TRHDE: variants seen among roughly 807,000 people sequenced by gnomAD.
The protein encoded by TRHDE is thyrotropin releasing hormone degrading enzyme.
TRHDE carries 72 observed loss-of-function variants against 125.7 expected under a neutral mutation model. The ratio of observed to expected loss-of-function variants is 0.57; its 90% CI spans 0.47 to 0.70. TRHDE has a LOEUF of 0.70. Among genes scored for constraint, TRHDE ranks in the 30% least tolerant of loss-of-function variants. The pLI is 0.00. For synonymous variants in TRHDE, 509 were observed against 509.1 expected (o/e 1.00, Z 0.00); for missense variants, 1,110 against 1,327.1 (o/e 0.84, Z 2.54).
At chr12:72,558,799 T>A (rs977516611) in intron 7 of TRHDE, among the ~76,000 whole-genome samples, 6 of 152,116 alleles carry the variant, frequency 3.9e-5, no homozygotes, top group African/African-American at 1.4e-4. Context: ...GATGAGAAGG[T>A]CTTCACTGGA....
intron 2 of TRHDE, among the ~76,000 whole-genome samples, chr12:72,350,796 G>A (rs1870547379): frequency 6.6e-6 from 1 of 151,944 alleles, no homozygotes; most frequent in Non-Finnish European, 1.5e-5. Context: ...GTTAAGGGAG[G>A]ACATGGCAAA....
rs1358501347 is a variant in TRHDE at position 72,273,040 on chromosome 12, G to T, written c.397G>T (p.Gly133Cys). Reference protein sequence around the residue: ...GGPSGFPERGGNGSLPGSARR... With the variant: ...GGPSGFPERGCNGSLPGSARR... ...CCCCTCAGGCTTTCCGGAGCGCGGC[G>T]GCAACGGGAGCCTCCCTGGATCGGC... Residue 133 changes from glycine to cysteine, a missense_variant, in exon 1 of 19, where the codon GGC (glycine) becomes TGC (cysteine). By Grantham distance (159) the Gly-to-Cys change is radical (BLOSUM62 -3). Coordinates refer to ENST00000261180, the MANE Select transcript of TRHDE (RefSeq NM_013381.3). The surrounding 1 kb of genome is among the most constrained non-coding windows in gnomAD (Gnocchi z 5.3). The T allele has an allele frequency of 5.2e-6, 8 of 1,536,824 alleles. No individual in the cohort carries two copies. Among genetic ancestry groups the T allele is most frequent in the Non-Finnish European group, 7.0e-6 (8 of 1,146,706 alleles).
intron 3 of TRHDE, among the ~76,000 whole-genome samples, chr12:72,451,234 C>G (rs1875554498): frequency 6.6e-6 from 1 of 152,056 alleles, no homozygotes; most frequent in African/African-American, 2.4e-5. Context: ...CCTCTGTTTT[C>G]TTCTAGTGGT....
At chr12:72,099,597 T>A (rs1875020675) in intron 1 of TRHDE, among the ~76,000 whole-genome samples, 1 of 152,190 alleles carries the variant, frequency 6.6e-6, no homozygotes, top group Admixed American at 6.5e-5. Flanking sequence ...CCAGCCTTCA[T>A]ATCTCTCTTA....
At chr12:72,451,912 T>A (rs1875595663) in intron 3 of TRHDE, among the ~76,000 whole-genome samples, 1 of 152,180 alleles carries the variant, frequency 6.6e-6, no homozygotes, top group African/African-American at 2.4e-5. Context: ...TACTGAAACC[T>A]CTGACTTCTG....
intron 5 of TRHDE, among the ~76,000 whole-genome samples, chr12:72,490,769 A>C (rs931290063): frequency 6.6e-6 from 1 of 151,466 alleles, no homozygotes; most frequent in African/African-American, 2.4e-5. Flanking sequence ...AAAAAAAAAA[A>C]AAACAACCCT....
intron 2 of TRHDE, among the ~76,000 whole-genome samples, chr12:72,191,460 A>G (rs911847456): frequency 2.6e-5 from 4 of 152,174 alleles, no homozygotes; most frequent in Admixed American, 1.3e-4. Flanking sequence ...TGTTTCAGTT[A>G]GTAACTATGG....
rs534850021 is a variant in TRHDE, at chr12:72,115,061, C to T, written n.279+9309C>T. 7.9e-5 allele frequency among the ~76,000 whole-genome samples: 12 copies of T among 152,048 alleles called. No individual in the cohort carries two copies. In the South Asian group the frequency reaches 2.5e-3, roughly 32 times the overall value. On this transcript the variant is annotated intron_variant and non_coding_transcript_variant, in intron 2 of 4. Coordinates refer to the TRHDE transcript ENST00000548156. ...AATCACCTCAGGGTAAATGGGGTAT[C>T]CATCTATCCTTTCTTTGTGTTGCAA...
chr12:72,410,204 C>T (rs1486431610), intron 3 of TRHDE, among the ~76,000 whole-genome samples: 1 of 151,134 alleles, frequency 6.6e-6, no homozygotes, highest in African/African-American at 2.4e-5. Flanking sequence ...CTAATGTTGA[C>T]AAACAAATAT....
At chr12:72,212,831 G>A (rs1292591559) in intron 2 of TRHDE, among the ~76,000 whole-genome samples, 1 of 152,034 alleles carries the variant, frequency 6.6e-6, no homozygotes, top group Non-Finnish European at 1.5e-5. Context: ...CACACTCCTT[G>A]GCATATACCT....
chr12:72,578,547 C>T (rs1871103971), intron 12 of TRHDE, among the ~76,000 whole-genome samples: 1 of 152,150 alleles, frequency 6.6e-6, no homozygotes, highest in African/African-American at 2.4e-5. Context: ...ATCTGTGTTA[C>T]AGCAATTATC....
intron 2 of TRHDE, among the ~76,000 whole-genome samples, chr12:72,236,865 T>C (rs975068001): frequency 6.6e-6 from 1 of 152,184 alleles, no homozygotes; most frequent in African/African-American, 2.4e-5. Flanking sequence ...ATGCTTTAAT[T>C]GATTTGTTAT....
chr12:72,652,938 G>T, intron 16 of TRHDE, 78 bp from the exon 17 acceptor site: 1 of 1,202,078 alleles, frequency 8.3e-7, no homozygotes, highest in South Asian at 1.5e-5. Flanking sequence ...TGACAAACTA[G>T]GTCCTATAAT....
chr12:72,544,204 C>T (rs898551661), intron 7 of TRHDE, among the ~76,000 whole-genome samples: 1 of 151,324 alleles, frequency 6.6e-6, no homozygotes, highest in African/African-American at 2.4e-5. Context: ...ACAGTAGATC[C>T]CTACATCTAG....
intron 2 of TRHDE, among the ~76,000 whole-genome samples, chr12:72,248,110 A>G (rs1878609841): frequency 1.3e-5 from 2 of 152,182 alleles, no homozygotes; most frequent in African/African-American, 4.8e-5. Flanking sequence ...ATGGAATAGA[A>G]TATTTAAATT....
intron 3 of TRHDE, among the ~76,000 whole-genome samples, chr12:72,412,585 G>T (rs1055277833): frequency 1.2e-4 from 19 of 152,146 alleles, no homozygotes; most frequent in Non-Finnish European, 2.9e-5. Flanking sequence ...TCTTGGGCAT[G>T]TACCTCTTCA....
intron 2 of TRHDE, among the ~76,000 whole-genome samples, chr12:72,113,558 A>G (rs931414553): frequency 2.0e-5 from 3 of 151,958 alleles, no homozygotes; most frequent in African/African-American, 7.2e-5. Flanking sequence ...TCAGCCTCCC[A>G]AAGTACTGAA....
At chr12:72,444,466 A>G (rs1320782860) in intron 3 of TRHDE, among the ~76,000 whole-genome samples, 3 of 151,514 alleles carry the variant, frequency 2.0e-5, no homozygotes, top group Non-Finnish European at 4.4e-5. Flanking sequence ...TTTTTGAAAA[A>G]TCAGTTGATA....
chr12:72,206,279 G>T (rs1464981700), intron 2 of TRHDE, among the ~76,000 whole-genome samples: 1 of 152,018 alleles, frequency 6.6e-6, no homozygotes, highest in Non-Finnish European at 1.5e-5. Context: ...TTTTAGTAGA[G>T]ACAGGATTTC....
Sources: allele counts gnomAD v4.1 joint callset (sites outside exome capture counted in the v4.1 genomes callset), GRCh38; gene constraint gnomAD v4.1.1; non-coding constraint Gnocchi (gnomAD v3.1); transcripts MANE v1.5; gene names NCBI Gene and HGNC (gene_info 2026-07-23, HGNC 2026-07-21).